Variants in SRGAP1 observed in about 807,000 individuals in gnomAD.
The protein encoded by SRGAP1 is SLIT-ROBO Rho GTPase-activating protein 1.
Under a neutral mutation model 121.9 loss-of-function variants are expected in SRGAP1, and 43 were observed. That is an observed-to-expected ratio of 0.35 (90% CI 0.28 to 0.46). The LOEUF (loss-of-function observed/expected upper bound fraction) is 0.46. Among genes scored for constraint, SRGAP1 ranks in the 20% least tolerant of loss-of-function variants. SRGAP1 has a pLI of 1.00. For synonymous variants in SRGAP1, 447 were observed against 485.4 expected (o/e 0.92, Z 1.04); for missense variants, 1,102 against 1,350.9 (o/e 0.82, Z 2.89).
At chr12:64,041,875 ATATTAT>A (rs10689107) in intron 4 of SRGAP1, among the ~76,000 whole-genome samples, 2,737 of 138,586 alleles carry the variant, frequency 0.02, 37 homozygotes, top group African/African-American at 0.048. Context: ...ATTTTCTTTT[ATATTAT>A]TATTATTATT....
chr12:63,930,129 T>C (rs921873209), intron 1 of SRGAP1, among the ~76,000 whole-genome samples: 1 of 152,170 alleles, frequency 6.6e-6, no homozygotes, highest in African/African-American at 2.4e-5. Context: ...TCCATTTTCC[T>C]AAGAATTACT....
chr12:63,848,937 T>C (rs1445947386), intron 1 of SRGAP1, among the ~76,000 whole-genome samples: 1 of 152,140 alleles, frequency 6.6e-6, no homozygotes, highest in Non-Finnish European at 1.5e-5. Flanking sequence ...AAAACAGTAA[T>C]CAAAACCACA....
chr12:63,855,021 T>TA (rs1345580382), intron 1 of SRGAP1, among the ~76,000 whole-genome samples: 1 of 152,154 alleles, frequency 6.6e-6, no homozygotes, highest in Non-Finnish European at 1.5e-5. Context: ...GCTAAGCTGT[T>TA]ATAATAAAGA....
At chr12:64,108,373 T>C (rs540352961) in intron 15 of SRGAP1, among the ~76,000 whole-genome samples, 2 of 152,306 alleles carry the variant, frequency 1.3e-5, no homozygotes, top group East Asian at 3.9e-4. Context: ...GCAGGAATTG[T>C]ATTGCTAATG....
intron 1 of SRGAP1, among the ~76,000 whole-genome samples, chr12:63,971,652 A>G (rs1406703382): frequency 6.6e-6 from 1 of 152,064 alleles, no homozygotes; most frequent in African/African-American, 2.4e-5. Flanking sequence ...GAGATAAAAT[A>G]ATGAAGAAGA....
Position 63,984,034 on chromosome 12 carries a change from T to G in SRGAP1, c.155T>G (p.Phe52Cys). 6.4e-7 allele frequency: 1 copy of G among 1,566,650 alleles called. No homozygotes were observed. Residue 52 changes from phenylalanine to cysteine, a missense_variant, in exon 2 of 22, where the codon TTC (phenylalanine) becomes TGC (cysteine). Around this residue, in one of 3 missense-constraint regions of SRGAP1, gnomAD observed 747 missense variants for 929.4 expected, o/e 0.80. Coordinates refer to ENST00000355086, the MANE Select transcript of SRGAP1 (RefSeq NM_020762.4). ...RVQLLQDLQD[F>C]FRKKAEIETE... ...CAGCTTCTCCAGGATCTGCAAGATT[T>G]CTTCCGAAAAAAAGCTGAAATTGAG...
Position 64,157,925 on chromosome 12 carries a change from A to T in SRGAP1, c.*15253A>T, listed in dbSNP as rs1341692543. 1 of 152,198 alleles carries T rather than the reference A, an allele frequency of 6.6e-6. No individual in the cohort carries two copies. The highest frequency in any genetic ancestry group is 1.5e-5 in the Non-Finnish European group (1 of 68,084). The allele number at this position is 152,198 out of a possible 1,614,324, so 9.4% of individuals were successfully genotyped here. ...TTTTTTTTGTTGCTGCCACCTTAGT[A>T]CGTGGCCACCATGAAGAGGAAGAGA... On this transcript the variant is annotated 3_prime_UTR_variant, in exon 22 of 22. Transcript: ENST00000355086.
intron 8 of SRGAP1, among the ~76,000 whole-genome samples, chr12:64,070,630 A>G (rs1397164586): frequency 2.0e-5 from 3 of 152,206 alleles, no homozygotes; most frequent in African/African-American, 7.2e-5. Flanking sequence ...TCCTAGCACC[A>G]TTTAAAGTCT....
At chr12:64,009,459 A>C (rs2034188953) in intron 3 of SRGAP1, among the ~76,000 whole-genome samples, 1 of 152,130 alleles carries the variant, frequency 6.6e-6, no homozygotes, top group Non-Finnish European at 1.5e-5. Flanking sequence ...GAGTTACTTA[A>C]TCAGCCCATT....
intron 1 of SRGAP1, among the ~76,000 whole-genome samples, chr12:63,973,587 T>G (rs918380350): frequency 4.6e-5 from 7 of 152,226 alleles, no homozygotes; most frequent in Non-Finnish European, 8.8e-5. Context: ...TATTCTTTTA[T>G]TAGATATAAA....
intron 1 of SRGAP1, among the ~76,000 whole-genome samples, chr12:63,886,647 T>G (rs1192511593): frequency 6.6e-6 from 1 of 151,454 alleles, no homozygotes; most frequent in Admixed American, 6.6e-5. Context: ...AATTTTTTTA[T>G]TTTTTGTAGA....
At chr12:63,937,637 C>T (rs763599962) in intron 1 of SRGAP1, among the ~76,000 whole-genome samples, 6 of 152,140 alleles carry the variant, frequency 3.9e-5, no homozygotes, top group Non-Finnish European at 7.4e-5. Context: ...AAAATCCTGA[C>T]GTTTTGATTT....
At chr12:63,962,422 T>C (rs1236148699) in intron 1 of SRGAP1, among the ~76,000 whole-genome samples, 1 of 152,176 alleles carries the variant, frequency 6.6e-6, no homozygotes, top group Non-Finnish European at 1.5e-5. Flanking sequence ...AACATTCTTT[T>C]TTTGAGACAG....
At chr12:64,002,932 A>G (rs1048526060) in intron 3 of SRGAP1, among the ~76,000 whole-genome samples, 18 of 151,972 alleles carry the variant, frequency 1.2e-4, no homozygotes, top group African/African-American at 4.4e-4. Flanking sequence ...TTCAACTTCC[A>G]TGAGTAAAAC....
rs780906506 is a variant in SRGAP1 at position 64,078,902 on chromosome 12, T to C, written c.1126-17T>C. The C allele has an allele frequency of 2.5e-6, 4 of 1,608,982 alleles. No homozygotes were observed. The highest frequency in any genetic ancestry group is 1.7e-5 in the Admixed American group (1 of 59,976). On this transcript the variant is annotated splice_polypyrimidine_tract_variant and intron_variant, in intron 8 of 21. Transcript: ENST00000355086. ...TGAAATAATGTACTAACGTGAGAAATGTATTTCTATTCCCAGGTTAAGAAA... is the reference window on the plus strand; with the variant it reads ...TGAAATAATGTACTAACGTGAGAAACGTATTTCTATTCCCAGGTTAAGAAA...
At position 64,151,490 on chromosome 12, in the gene SRGAP1, T is replaced by C. The variant is rs761381744; in HGVS notation, c.*8818T>C. 2.0e-5 allele frequency: 3 copies of C among 152,202 alleles called. No individual in the cohort carries two copies. Among genetic ancestry groups the C allele is most frequent in the Non-Finnish European group, 4.4e-5 (3 of 68,036 alleles). 9.4% of individuals were successfully genotyped at this position (152,202 alleles called of 1,614,324 possible). A position where few individuals can be genotyped will look rare whatever the true frequency, so the allele number is the denominator to read the frequency against. ...TAATTAATTGTCTGTGTTTGGATCA[T>C]AAAGTTAGCATTGACTCCAAAAAGT... On this transcript the variant is annotated 3_prime_UTR_variant, in exon 22 of 22. Coordinates refer to ENST00000355086, the MANE Select transcript of SRGAP1 (RefSeq NM_020762.4).
At position 64,065,100 on chromosome 12, in the gene SRGAP1, T is replaced by C. The variant is rs1250463713; in HGVS notation, c.1024-18T>C. On this transcript the variant is annotated intron_variant, in intron 7 of 21. Transcript: ENST00000355086. ...GTTGATGGTGCCCTGTTGTAACTGG[T>C]TTCTCATTCTCCATCAGGTGTGCCA... is the stretch of plus-strand genomic sequence containing the variant. The C allele has an allele frequency of 2.5e-6, 4 of 1,601,900 alleles. No homozygotes were observed. The highest frequency in any genetic ancestry group is 3.5e-5 in the Admixed American group (2 of 57,586).
In SRGAP1 at chr12:64,060,251, A is replaced by G. The variant is rs116002149; in HGVS notation, c.802-2666A>G. Among the ~76,000 whole-genome samples the G allele has an allele frequency of 3.9e-3, 526 of 134,618 alleles. 1 individual carries two copies. Among genetic ancestry groups the G allele is most frequent in the African/African-American group, 0.014 (481 of 34,726 alleles). 88.3% of individuals were successfully genotyped at this position (134,618 alleles called of 152,430 possible). On this transcript the variant is annotated intron_variant, in intron 6 of 21. Transcript: ENST00000355086. Reference sequence around the variant, plus strand: ...AGACAGGGGTCCCACTCTGCTGCCCAGGCTAGAGTGCAGTGGTACAATCTC... The same window carrying G: ...AGACAGGGGTCCCACTCTGCTGCCCGGGCTAGAGTGCAGTGGTACAATCTC...
intron 1 of SRGAP1, among the ~76,000 whole-genome samples, chr12:63,927,597 A>C (rs1415647357): frequency 1.3e-5 from 2 of 152,142 alleles, no homozygotes; most frequent in African/African-American, 2.4e-5. Flanking sequence ...ACTGTAACCT[A>C]AGCCTAGAAT....
Sources: allele counts gnomAD v4.1 joint callset (sites outside exome capture counted in the v4.1 genomes callset), GRCh38; gene constraint gnomAD v4.1.1; regional missense constraint gnomAD v4.1.1; transcripts MANE v1.5; gene names NCBI Gene and HGNC (gene_info 2026-07-23, HGNC 2026-07-21).